The following PPARGC1A variants were observed in gnomAD, a reference collection of about 807,000 sequenced individuals.
The protein encoded by PPARGC1A is peroxisome proliferator-activated receptor gamma coactivator 1-alpha.
In PPARGC1A, 25 loss-of-function variants were observed where a neutral mutation model predicts 88.7. The observed-to-expected ratio is 0.28, with a 90% CI of 0.21 to 0.39. PPARGC1A has a LOEUF of 0.39. Ranked by LOEUF, PPARGC1A falls within the 10% of genes least tolerant of loss-of-function variation. The pLI is 1.00. For missense variants in PPARGC1A, 880 were observed against 968.7 expected (o/e 0.91, Z 1.22); for synonymous variants, 363 against 355.6 (o/e 1.02, Z -0.24).
the PPARGC1A span, among the ~76,000 whole-genome samples, chr4:24,354,756 A>G: frequency 2.4e-4 from 37 of 152,126 alleles, no homozygotes; most frequent in South Asian, 6.2e-4. Flanking sequence ...GCATGGTGGC[A>G]GGCGCCTGTA....
intron 2 of PPARGC1A, among the ~76,000 whole-genome samples, chr4:23,857,588 G>A (rs1183587155): frequency 1.3e-5 from 2 of 151,648 alleles, no homozygotes; most frequent in African/African-American, 4.8e-5. Flanking sequence ...CAAACACTTT[G>A]TGCTGACAGT....
intron 10 of PPARGC1A, among the ~76,000 whole-genome samples, chr4:23,805,055 A>C (rs374684069): frequency 6.6e-6 from 1 of 152,240 alleles, no homozygotes; most frequent in Non-Finnish European, 1.5e-5. Flanking sequence ...GCATCAAAAC[A>C]TAACAGACTA....
the PPARGC1A span, among the ~76,000 whole-genome samples, chr4:24,073,847 A>G: frequency 6.6e-6 from 1 of 152,130 alleles, no homozygotes; most frequent in African/African-American, 2.4e-5. Context: ...CTGGAGGAAG[A>G]GTTAACCAGC....
the PPARGC1A span, among the ~76,000 whole-genome samples, chr4:24,061,965 A>G: frequency 6.6e-6 from 1 of 152,144 alleles, no homozygotes; most frequent in Admixed American, 6.5e-5. Flanking sequence ...AAACTTCAGG[A>G]AGAAGTGGTG....
chr4:24,108,507 G>A, the PPARGC1A span, among the ~76,000 whole-genome samples: 7,596 of 152,122 alleles, frequency 0.05, 606 homozygotes, highest in African/African-American at 0.17. Context: ...CAGGAGGTGG[G>A]CACCTAACAT....
the PPARGC1A span, among the ~76,000 whole-genome samples, chr4:24,462,168 C>A: frequency 6.6e-6 from 1 of 152,144 alleles, no homozygotes; most frequent in Admixed American, 6.5e-5. Flanking sequence ...TCACTGCAAC[C>A]TCTGTCTCCC....
the PPARGC1A span, among the ~76,000 whole-genome samples, chr4:24,455,506 T>C: frequency 6.6e-5 from 10 of 152,208 alleles, no homozygotes; most frequent in Admixed American, 6.5e-5. Context: ...AAATTTTGTT[T>C]ACAAAAGTGC....
At chr4:24,385,345 G>C in the PPARGC1A span, among the ~76,000 whole-genome samples, 1 of 152,048 alleles carries the variant, frequency 6.6e-6, no homozygotes, top group African/African-American at 2.4e-5. Context: ...AGAGAAGCAA[G>C]AGCAAACAAA....
At chr4:24,254,298 A>G in the PPARGC1A span, among the ~76,000 whole-genome samples, 1 of 152,188 alleles carries the variant, frequency 6.6e-6, no homozygotes, top group Non-Finnish European at 1.5e-5. Flanking sequence ...GATATTGGGT[A>G]CCTTTTCCAG....
chr4:24,264,000 C>T, the PPARGC1A span, among the ~76,000 whole-genome samples: 1 of 152,128 alleles, frequency 6.6e-6, no homozygotes, highest in Non-Finnish European at 1.5e-5. Context: ...ATCCGCTTGC[C>T]TCAGCCTCCC....
intron 2 of PPARGC1A, among the ~76,000 whole-genome samples, chr4:23,850,528 C>G (rs1355080671): frequency 2.0e-5 from 3 of 152,108 alleles, no homozygotes; most frequent in African/African-American, 7.2e-5. Flanking sequence ...GTAGAAAATA[C>G]AGTGGGATAC....
the PPARGC1A span, among the ~76,000 whole-genome samples, chr4:24,231,747 T>C: frequency 1.3e-5 from 2 of 152,116 alleles, no homozygotes; most frequent in East Asian, 3.9e-4. Flanking sequence ...CTTTTTTTTT[T>C]CTTCCTTTTT....
At chr4:24,077,191 A>G in the PPARGC1A span, among the ~76,000 whole-genome samples, 1 of 152,054 alleles carries the variant, frequency 6.6e-6, no homozygotes, top group Admixed American at 6.6e-5. Context: ...CTCAAGGAAT[A>G]TCTTTGGCCT....
chr4:24,158,369 C>A, the PPARGC1A span, among the ~76,000 whole-genome samples: 1 of 152,170 alleles, frequency 6.6e-6, no homozygotes, highest in Non-Finnish European at 1.5e-5. Context: ...TTCCGCCAAA[C>A]TCCACAAGAG....
the PPARGC1A span, among the ~76,000 whole-genome samples, chr4:24,109,850 G>C: frequency 6.6e-6 from 1 of 152,152 alleles, no homozygotes; most frequent in Admixed American, 6.5e-5. Context: ...GTCTACCTTT[G>C]CTTCCTTAGA....
At chr4:24,045,575 T>C in the PPARGC1A span, among the ~76,000 whole-genome samples, 2 of 152,310 alleles carry the variant, frequency 1.3e-5, no homozygotes, top group East Asian at 1.9e-4. Flanking sequence ...ACTTGGCTTG[T>C]AGATACATCA....
At chr4:24,363,481 G>A in the PPARGC1A span, among the ~76,000 whole-genome samples, 1 of 152,104 alleles carries the variant, frequency 6.6e-6, no homozygotes, top group East Asian at 1.9e-4. Context: ...TAATGATCCG[G>A]CTATTATATT....
chr4:24,223,812 A>C, the PPARGC1A span, among the ~76,000 whole-genome samples: 2 of 152,244 alleles, frequency 1.3e-5, no homozygotes, highest in Admixed American at 6.5e-5. Context: ...TAAAGTAGAA[A>C]GGACAATATA....
chr4:23,860,350 A>C (rs909035494), intron 2 of PPARGC1A, among the ~76,000 whole-genome samples: 6 of 151,932 alleles, frequency 3.9e-5, no homozygotes, highest in Non-Finnish European at 7.4e-5. Flanking sequence ...GATAAAGGTC[A>C]AAGTGTACAA....
Sources: gnomAD v4.1 joint callset for allele counts (sites outside exome capture counted in the v4.1 genomes callset) on GRCh38, gnomAD v4.1.1 for gene constraint, MANE v1.5 for transcripts, NCBI Gene and HGNC (gene_info 2026-07-23, HGNC 2026-07-21) for gene names.